Variants in ANKRD17 observed in about 807,000 individuals in gnomAD.
The protein encoded by ANKRD17 is ankyrin repeat domain 17, also known as ankyrin repeat domain-containing protein 17.
In ANKRD17, 19 loss-of-function variants were observed where a neutral mutation model predicts 229.7. The ratio of observed to expected loss-of-function variants is 0.08; its 90% confidence interval spans 0.06 to 0.12. The LOEUF (loss-of-function observed/expected upper bound fraction) is 0.12, where lower values mean the gene tolerates loss of function less well. Ranked by LOEUF, ANKRD17 falls within the 10% of genes least tolerant of loss-of-function variation. The pLI is 1.00. For missense variants in ANKRD17, 2,176 were observed against 3,176.8 expected (o/e 0.68, Z 7.57); for synonymous variants, 1,112 against 1,146.1 (o/e 0.97, Z 0.60).
At position 73,226,640 on chromosome 4, in the gene ANKRD17, G is replaced by A. The variant is rs535206249; in HGVS notation, c.393+31636C>T. 1.4e-4 allele frequency among the ~76,000 whole-genome samples: 22 copies of A among 151,796 alleles called. No individual in the cohort carries two copies. In the East Asian group the frequency reaches 3.5e-3, roughly 24 times the overall value. On this transcript the variant is annotated intron_variant, in intron 1 of 33. Transcript: ENST00000358602. The stretch of plus-strand genomic sequence containing the variant: ...GAATTCCTGACCTCGTAATTCACCC[G>A]CCTCAGACTCCCAAAGTGCTGGGAT...
At position 73,077,087 on chromosome 4, in the gene ANKRD17, C is replaced by T. The variant is rs770741282; in HGVS notation, c.7605G>A (p.Val2535=). ...CTGGAGGAATCATTGCATTCCCATA[C>T]ACAGAAAAAGGCATACCCTTAAAAA... ...FPKVGGMPFS[V]YGNAMIPPVA... The change falls in exon 33 of 34, where the codon GTG becomes GTA. Residue 2535 remains valine, a synonymous_variant. Transcript: ENST00000358602. 4 of 1,592,830 alleles carry T rather than the reference C, an allele frequency of 2.5e-6. No homozygotes were observed. The highest frequency in any genetic ancestry group is 1.2e-5 in the South Asian group (1 of 86,716).
intron 19 of ANKRD17, among the ~76,000 whole-genome samples, chr4:73,121,389 C>G (rs1726698407): frequency 6.6e-6 from 1 of 152,082 alleles, no homozygotes; most frequent in African/African-American, 2.4e-5. Context: ...ATAAAAGCTT[C>G]TAAGATGTTT....
At chr4:73,087,671 T>C (rs959857590) in intron 29 of ANKRD17, among the ~76,000 whole-genome samples, 4 of 152,106 alleles carry the variant, frequency 2.6e-5, no homozygotes, top group African/African-American at 7.2e-5. Context: ...TTTGGGAAAA[T>C]GGCATTTTAT....
intron 1 of ANKRD17, among the ~76,000 whole-genome samples, chr4:73,220,866 T>A (rs1741756220): frequency 6.6e-6 from 1 of 152,154 alleles, no homozygotes; most frequent in Non-Finnish European, 1.5e-5. Context: ...TGAACTTCAT[T>A]ATCCATTACT....
intron 1 of ANKRD17, among the ~76,000 whole-genome samples, chr4:73,242,734 G>T (rs1257101914): frequency 6.6e-6 from 1 of 152,158 alleles, no homozygotes; most frequent in Non-Finnish European, 1.5e-5. Context: ...GATATTCAAT[G>T]ACTTGTGGCT....
chr4:73,108,162 C>T lies in ANKRD17; in HGVS notation c.4402-5615G>A, dbSNP rs191090895. On this transcript the variant is annotated intron_variant, in intron 24 of 33. Transcript: ENST00000358602. ...AGGCAAAGGTAACGGGATTTTTCAA[C>T]GCGATGGAGTATAGAGAGAAATTAA... is the stretch of plus-strand genomic sequence containing the variant. Among the ~76,000 whole-genome samples the T allele has an allele frequency of 2.6e-4, 40 of 152,142 alleles. 1 individual carries two copies. The East Asian group carries it at 6.8e-3, about 26-fold the overall frequency.
intron 2 of ANKRD17, among the ~76,000 whole-genome samples, chr4:73,171,500 G>C (rs186602448): frequency 6.6e-6 from 1 of 152,262 alleles, no homozygotes; most frequent in African/African-American, 2.4e-5. Flanking sequence ...ATTCTTCAAT[G>C]CCCAGACACC....
chr4:73,225,956 T>C (rs1742437558), intron 1 of ANKRD17, among the ~76,000 whole-genome samples: 1 of 147,158 alleles, frequency 6.8e-6, no homozygotes, highest in Non-Finnish European at 1.5e-5. Context: ...CACTCTGGCA[T>C]AGAGCAGGCT....
At chr4:73,139,209 T>C (rs1729298766) in intron 15 of ANKRD17, among the ~76,000 whole-genome samples, 1 of 152,012 alleles carries the variant, frequency 6.6e-6, no homozygotes, top group Non-Finnish European at 1.5e-5. Flanking sequence ...AATGCCAAAA[T>C]TCAATCTCAG....
chr4:73,179,511 TA>T lies in ANKRD17; in HGVS notation c.394-1979del, dbSNP rs1560665939. 6.1e-3 allele frequency among the ~76,000 whole-genome samples: 528 copies of T among 87,084 alleles called. 2 individuals are homozygous for T. Among genetic ancestry groups the T allele is most frequent in the Non-Finnish European group, 0.011 (432 of 40,928 alleles). The allele number at this position is 87,084 out of a possible 152,430, so 57.1% of individuals were successfully genotyped here. Reference sequence around the variant, plus strand: ...GTGTATATATATATATATATATATATATATATATTTTTTTTTTTTTTTTTAA... The same window carrying T: ...GTGTATATATATATATATATATATATTATATATTTTTTTTTTTTTTTTTAA... On this transcript the variant is annotated intron_variant, in intron 1 of 33. Coordinates refer to ENST00000358602, the MANE Select transcript of ANKRD17 (RefSeq NM_032217.5).
intron 24 of ANKRD17, among the ~76,000 whole-genome samples, chr4:73,105,349 C>CTA (rs940932472): frequency 1.3e-5 from 2 of 150,464 alleles, no homozygotes; most frequent in Non-Finnish European, 3.0e-5. Context: ...TACTATTTTA[C>CTA]TATATATAAT....
At chr4:73,115,971 T>C in intron 22 of ANKRD17, 55 bp from the exon 23 acceptor site, 2 of 1,442,946 alleles carry the variant, frequency 1.4e-6, no homozygotes, top group Non-Finnish European at 1.9e-6. Context: ...GTTCAGTAAA[T>C]CTATGCCTGA....
At chr4:73,130,429 T>A (rs1452699704) in intron 16 of ANKRD17, among the ~76,000 whole-genome samples, 1 of 152,056 alleles carries the variant, frequency 6.6e-6, no homozygotes, top group Non-Finnish European at 1.5e-5. Context: ...GCAAAACCAA[T>A]AAGAATAGAG....
intron 1 of ANKRD17, among the ~76,000 whole-genome samples, chr4:73,186,659 G>A (rs757712674): frequency 6.6e-6 from 1 of 152,124 alleles, no homozygotes; most frequent in Non-Finnish European, 1.5e-5. Flanking sequence ...CAACAATTGA[G>A]TATGACATTA....
chr4:73,121,160 G>A, intron 19 of ANKRD17, 66 bp from the exon 20 acceptor site: 1 of 1,310,864 alleles, frequency 7.6e-7, no homozygotes, highest in Non-Finnish European at 1.1e-6. Context: ...AAAAATTGGA[G>A]ATGATATATA....
At position 73,092,032 on chromosome 4, in the gene ANKRD17, T is replaced by C. The variant is rs1560505568; in HGVS notation, c.5596A>G (p.Ile1866Val). 3 of 1,614,178 alleles carry C rather than the reference T, an allele frequency of 1.9e-6. No homozygotes were observed. Among genetic ancestry groups the C allele is most frequent in the Admixed American group, 1.7e-5 (1 of 60,028 alleles). Reference protein sequence around the residue: ...AISSASTHKTIKNPVNNVRPG... With the variant: ...AISSASTHKTVKNPVNNVRPG... Reference sequence around the variant, plus strand: ...CTCACATTATTCACTGGGTTCTTAATGGTTTTGTGAGTGGATGCAGAAGAA... The same window carrying C: ...CTCACATTATTCACTGGGTTCTTAACGGTTTTGTGAGTGGATGCAGAAGAA... The change falls in exon 29 of 34, where the codon ATT (isoleucine) becomes GTT (valine). Residue 1866 changes from isoleucine to valine, a missense_variant. By Grantham distance (29) the Ile-to-Val change is conservative. Coordinates refer to ENST00000358602, the MANE Select transcript of ANKRD17 (RefSeq NM_032217.5).
intron 14 of ANKRD17, among the ~76,000 whole-genome samples, chr4:73,141,407 T>C (rs1729586076): frequency 6.6e-6 from 1 of 152,232 alleles, no homozygotes; most frequent in Admixed American, 6.5e-5. Flanking sequence ...CCTTTATAAC[T>C]GCAGAGATTT....
chr4:73,124,611 GAGT>G (rs1199615763), intron 18 of ANKRD17, among the ~76,000 whole-genome samples: 1 of 152,166 alleles, frequency 6.6e-6, no homozygotes, highest in Non-Finnish European at 1.5e-5. Flanking sequence ...AGGCAAAGAT[GAGT>G]GAATATAGGC....
At chr4:73,133,483 C>T (rs1399801086) in intron 16 of ANKRD17, among the ~76,000 whole-genome samples, 6 of 150,582 alleles carry the variant, frequency 4.0e-5, no homozygotes, top group South Asian at 2.1e-4. Flanking sequence ...CTCCATCTCC[C>T]GGATTAAAGT....
Sources: gnomAD v4.1 joint callset for allele counts (sites outside exome capture counted in the v4.1 genomes callset) on GRCh38, gnomAD v4.1.1 for gene constraint, MANE v1.5 for transcripts, NCBI Gene and HGNC (gene_info 2026-07-23, HGNC 2026-07-21) for gene names.